Variants in ARID1B observed in about 807,000 individuals in gnomAD.
ARID1B encodes the protein AT-rich interactive domain-containing protein 1B.
A neutral mutation model predicts 212.3 loss-of-function variants in ARID1B; 30 were observed. The observed-to-expected ratio is 0.14, with a 90% CI of 0.11 to 0.19. The LOEUF is 0.19. ARID1B is among the 10% of genes least tolerant of loss of function. The pLI, the probability that ARID1B is intolerant of heterozygous loss-of-function variation, is 1.00. For missense variants in ARID1B, 2,891 were observed against 3,204.0 expected (o/e 0.90, Z 2.36); for synonymous variants, 1,402 against 1,301.7 (o/e 1.08, Z -1.66).
At chr6:156,971,476 T>C (rs1308204957) in intron 4 of ARID1B, among the ~76,000 whole-genome samples, 1 of 152,184 alleles carries the variant, frequency 6.6e-6, no homozygotes, top group Non-Finnish European at 1.5e-5. Context: ...ACTAGATACA[T>C]TAGACAACTG....
In ARID1B at chr6:156,844,572, A is replaced by G. The variant is rs367624233; in HGVS notation, c.1986+15151A>G. The stretch of plus-strand genomic sequence containing the variant: ...TTGCCTTTGGAAATAGGAACTTGCC[A>G]AAAATCTAAAGTAATGTTCAGGCAA... On this transcript the variant is annotated intron_variant, in intron 2 of 19. Coordinates refer to ENST00000636930, the MANE Select transcript of ARID1B (RefSeq NM_001374828.1). Among the ~76,000 whole-genome samples the G allele has an allele frequency of 1.8e-4, 28 of 152,352 alleles. No individual in the cohort carries two copies. In the East Asian group the frequency reaches 5.0e-3, roughly 27 times the overall value.
intron 4 of ARID1B, among the ~76,000 whole-genome samples, chr6:157,083,322 T>C (rs902371460): frequency 1.4e-4 from 22 of 152,222 alleles, no homozygotes; most frequent in African/African-American, 5.3e-4. Context: ...TCAGGACAAG[T>C]ATCTTTTATG....
rs185404508 is a variant in ARID1B at position 156,846,044 on chromosome 6, C to T, written c.1986+16623C>T. Among the ~76,000 whole-genome samples, 25 of 152,126 alleles carry T rather than the reference C, an allele frequency of 1.6e-4. No homozygotes were observed. In the East Asian group the frequency reaches 2.7e-3, roughly 16 times the overall value. On this transcript the variant is annotated intron_variant, in intron 2 of 19. Transcript: ENST00000636930. ...TCGTGGCTACAATGGTTTATCTTGC[C>T]GACGACAATGTTGGGATTCTTTTTG...
At chr6:157,021,305 C>T in intron 4 of ARID1B, among the ~76,000 whole-genome samples, 1 of 152,224 alleles carries the variant, frequency 6.6e-6, no homozygotes, top group East Asian at 1.9e-4. Context: ...CCGAGCTCCT[C>T]CGAAGGGAGA....
At chr6:156,901,779 G>A (rs1788965084) in intron 3 of ARID1B, 1 of 535,536 alleles carries the variant, frequency 1.9e-6, no homozygotes, top group Non-Finnish European at 3.3e-6. Flanking sequence ...GAAAGTGTCA[G>A]TCATTGCTTG....
intron 16 of ARID1B, 200 bp from the exon 17 acceptor site, chr6:157,198,611 A>T: frequency 1.9e-6 from 1 of 536,946 alleles, no homozygotes; most frequent in East Asian, 2.9e-5. Flanking sequence ...GCTTGGCACC[A>T]TTCCCAAAAT....
At chr6:156,917,899 A>C (rs372966456) in intron 3 of ARID1B, among the ~76,000 whole-genome samples, 62 of 152,304 alleles carry the variant, frequency 4.1e-4, no homozygotes, top group African/African-American at 1.4e-3. Context: ...ATTTTCTAAA[A>C]TATCTTTCTT....
intron 1 of ARID1B, among the ~76,000 whole-genome samples, chr6:156,799,232 A>T (rs943350397): frequency 6.6e-6 from 1 of 152,216 alleles, no homozygotes; most frequent in Non-Finnish European, 1.5e-5. Flanking sequence ...GCACTGTGCT[A>T]AGAACTCTAT....
intron 4 of ARID1B, among the ~76,000 whole-genome samples, chr6:156,980,725 A>T (rs1777554057): frequency 6.6e-6 from 1 of 152,094 alleles, no homozygotes; most frequent in African/African-American, 2.4e-5. Context: ...CCTTTGAGAC[A>T]GTGGAGGGAC....
rs752863054 is a variant in ARID1B at position 157,190,114 on chromosome 6, C to G, written c.4135C>G (p.Pro1379Ala). The part of the protein sequence containing the change: ...SSFPKRNSMT[P>A]NAPYQQGMSM... Reference sequence around the variant, plus strand: ...CTTCCCGAAACGGAACTCCATGACTCCAAACGCCCCCTACCAGCAGGGCAT... The same window carrying G: ...CTTCCCGAAACGGAACTCCATGACTGCAAACGCCCCCTACCAGCAGGGCAT... Residue 1379 changes from proline (P) to alanine (A), a missense_variant, in exon 15 of 20, where the codon CCA becomes GCA. Physicochemically the swap from Pro to Ala is conservative, Grantham distance 27. Around this residue, in one of 7 missense-constraint regions of ARID1B, gnomAD observed 666 missense variants for 873.5 expected, o/e 0.76. Coordinates refer to ENST00000636930, the MANE Select transcript of ARID1B (RefSeq NM_001374828.1). The surrounding 1 kb of genome is among the most constrained non-coding windows in gnomAD (Gnocchi z 4.6). 2 of 1,614,220 alleles carry G rather than the reference C, an allele frequency of 1.2e-6. No individual in the cohort carries two copies.
intron 4 of ARID1B, among the ~76,000 whole-genome samples, chr6:156,959,004 A>G (rs1337744734): frequency 1.3e-5 from 2 of 152,240 alleles, no homozygotes; most frequent in Admixed American, 6.5e-5. Context: ...CCAAACCCCA[A>G]AGACTATTTA....
chr6:157,036,693 C>T (rs1054685967), intron 4 of ARID1B: 3 of 378,450 alleles, frequency 7.9e-6, no homozygotes, highest in Non-Finnish European at 1.6e-5. Context: ...TCACAGATCT[C>T]TCTTTCTTGA....
At chr6:157,142,034 T>C (rs1789395874) in intron 7 of ARID1B, among the ~76,000 whole-genome samples, 1 of 152,166 alleles carries the variant, frequency 6.6e-6, no homozygotes, top group Non-Finnish European at 1.5e-5. Context: ...GGACTACTAC[T>C]CAGCACTGAA....
At chr6:156,828,062 C>CTTT (rs538099082) in intron 1 of ARID1B, among the ~76,000 whole-genome samples, 51 of 123,776 alleles carry the variant, frequency 4.1e-4, no homozygotes, top group Non-Finnish European at 6.6e-4. Flanking sequence ...TGCCCGGCCT[C>CTTT]TTTTTTTTTT....
rs561793734 is a variant in ARID1B at position 156,870,187 on chromosome 6, A to G, written c.1987-31189A>G. ...AGGAGAGCCGGTGGCCGAAGTGCCCACTCATGACCTGGCCTTGCTAGTGGA... is the reference window on the plus strand; with the variant it reads ...AGGAGAGCCGGTGGCCGAAGTGCCCGCTCATGACCTGGCCTTGCTAGTGGA... On this transcript the variant is annotated intron_variant, in intron 2 of 19. Transcript: ENST00000636930. The G allele has an allele frequency of 2.6e-5, 4 of 152,376 alleles. No individual in the cohort carries two copies. The South Asian group carries it at 8.3e-4, about 32-fold the overall frequency. 9.4% of individuals were successfully genotyped at this position (152,376 alleles called of 1,614,324 possible). A position where few individuals can be genotyped will look rare whatever the true frequency, so the allele number is the denominator to read the frequency against.
intron 6 of ARID1B, among the ~76,000 whole-genome samples, chr6:157,123,849 T>C: frequency 6.6e-6 from 1 of 152,238 alleles, no homozygotes; most frequent in East Asian, 1.9e-4. Flanking sequence ...GTCATCCACA[T>C]TTTTCAGAAA....
intron 13 of ARID1B, among the ~76,000 whole-genome samples, chr6:157,186,982 G>T (rs1259530778): frequency 6.6e-6 from 1 of 152,182 alleles, no homozygotes; most frequent in Non-Finnish European, 1.5e-5. Flanking sequence ...ACATATCACT[G>T]CCAAGTGGCT....
rs1792018368 is a variant in ARID1B, at chr6:156,934,701, C to T, written c.2137-765C>T. On this transcript the variant is annotated intron_variant, in intron 3 of 19. Transcript: ENST00000636930. The stretch of plus-strand genomic sequence containing the variant: ...ATAGTAAGGTTTTCGTTAGTTATTT[C>T]AACTTTTTGAGGTAATATTAAAGGC... Among the ~76,000 whole-genome samples the T allele has an allele frequency of 4.0e-5, 6 of 151,664 alleles. No homozygotes were observed. The South Asian group carries it at 1.3e-3, about 32-fold the overall frequency.
rs571446735 is a variant in ARID1B at position 157,179,315 on chromosome 6, G to A, written c.3505-1654G>A. On this transcript the variant is annotated intron_variant, in intron 11 of 19. Transcript: ENST00000636930. ...CATTAATGACGGCAGAGCTTCTGAG[G>A]TGCTGCCCGGATGAGAGTCTTGTGT... is the stretch of plus-strand genomic sequence containing the variant. Among the ~76,000 whole-genome samples the A allele has an allele frequency of 3.3e-5, 5 of 152,258 alleles. No homozygotes were observed. The East Asian group carries it at 7.7e-4, about 23-fold the overall frequency.
Sources: gnomAD v4.1 joint callset for allele counts (sites outside exome capture counted in the v4.1 genomes callset) on GRCh38, gnomAD v4.1.1 for gene constraint, gnomAD v4.1.1 regional missense constraint, Gnocchi (gnomAD v3.1) non-coding constraint, MANE v1.5 for transcripts, NCBI Gene and HGNC (gene_info 2026-07-23, HGNC 2026-07-21) for gene names.